The following MCF2L2 variants were observed in gnomAD, a reference collection of about 807,000 sequenced individuals.
MCF2L2 encodes probable guanine nucleotide exchange factor MCF2L2.
MCF2L2 carries 102 observed loss-of-function variants against 150.2 expected under a neutral mutation model. That is an observed-to-expected ratio of 0.68 (90% confidence interval 0.58 to 0.80). The LOEUF (loss-of-function observed/expected upper bound fraction) is 0.80. MCF2L2 is among the 30% of genes least tolerant of loss of function. The pLI, the probability that MCF2L2 is intolerant of heterozygous loss-of-function variation, is 0.00. For missense variants in MCF2L2, 1,256 were observed against 1,372.8 expected (o/e 0.91, Z 1.34); for synonymous variants, 465 against 491.3 (o/e 0.95, Z 0.71).
chr3:183,423,632 GTTTTT>G (rs34400256), intron 1 of MCF2L2, among the ~76,000 whole-genome samples: 3 of 92,056 alleles, frequency 3.3e-5, no homozygotes, highest in African/African-American at 1.2e-4. Context: ...AATTTTATTT[GTTTTT>G]TTTTTTTTTT....
intron 3 of MCF2L2, chr3:183,373,144 A>C (rs1288485439): frequency 1.3e-5 from 2 of 152,236 alleles, no homozygotes; most frequent in African/African-American, 4.8e-5. Flanking sequence ...TATTGTTATA[A>C]GCTGGACTGT....
At chr3:183,251,454 G>A (rs1286630254) in intron 15 of MCF2L2, among the ~76,000 whole-genome samples, 2 of 152,012 alleles carry the variant, frequency 1.3e-5, no homozygotes, top group Non-Finnish European at 2.9e-5. Flanking sequence ...TCCTAAATCT[G>A]CTACTCCTCT....
At chr3:183,184,909 T>C (rs901680818) in intron 27 of MCF2L2, among the ~76,000 whole-genome samples, 2 of 147,300 alleles carry the variant, frequency 1.4e-5, no homozygotes, top group Non-Finnish European at 3.0e-5. Context: ...ATGCACAACT[T>C]TTTTTTTCTT....
chr3:183,407,484 A>T (rs779897411), intron 1 of MCF2L2, among the ~76,000 whole-genome samples: 2 of 152,224 alleles, frequency 1.3e-5, no homozygotes, highest in Non-Finnish European at 2.9e-5. Context: ...AATATGGATG[A>T]TATGTTAGTT....
chr3:183,312,549 C>T (rs765812228), intron 7 of MCF2L2, among the ~76,000 whole-genome samples: 3 of 152,220 alleles, frequency 2.0e-5, no homozygotes, highest in Non-Finnish European at 2.9e-5. Context: ...GTTCCTGGGT[C>T]AGAGGAGGCT....
chr3:183,228,670 C>T (rs1332797899), intron 17 of MCF2L2, among the ~76,000 whole-genome samples: 1 of 152,118 alleles, frequency 6.6e-6, no homozygotes, highest in Non-Finnish European at 1.5e-5. Context: ...GAGAACTACT[C>T]AGAAGGCACA....
chr3:183,389,590 G>A, intron 2 of MCF2L2, 106 bp downstream of exon 2: 1 of 935,634 alleles, frequency 1.1e-6, no homozygotes. Flanking sequence ...AAGCCTAAGG[G>A]GTGAGTGAGA....
At chr3:183,235,120 C>A (rs1222811427) in intron 15 of MCF2L2, among the ~76,000 whole-genome samples, 1 of 84,048 alleles carries the variant, frequency 1.2e-5, no homozygotes, top group Non-Finnish European at 2.3e-5. Flanking sequence ...GGGTTGGTTC[C>A]AAGTCTTTGC....
At chr3:183,226,788 C>T (rs1029796260) in intron 18 of MCF2L2, 33 of 152,112 alleles carry the variant, frequency 2.2e-4, no homozygotes, top group African/African-American at 6.0e-4. Context: ...TCACATTAGT[C>T]GTTTGTTAAG....
At chr3:183,216,552 T>TTTTATATA (rs1553883156) in intron 21 of MCF2L2, among the ~76,000 whole-genome samples, 1 of 33,104 alleles carries the variant, frequency 3.0e-5, no homozygotes, top group African/African-American at 7.5e-5. Flanking sequence ...AGTATATATA[T>TTTTATATA]TATATATATA....
At chr3:183,210,929 C>T (rs573870199) in intron 22 of MCF2L2, among the ~76,000 whole-genome samples, 209 of 152,208 alleles carry the variant, frequency 1.4e-3, no homozygotes, top group African/African-American at 4.6e-3. Flanking sequence ...AAACAATGTG[C>T]CAGGGTTGGG....
rs868713164 is a variant in MCF2L2 at position 183,300,160 on chromosome 3, C to T, written c.1150G>A (p.Gly384Arg). ...LEKAQLLALVGDQLIQSHHYA... is the reference protein window; with the variant it reads ...LEKAQLLALVRDQLIQSHHYA... ...TGGTGGCTTTGGATGAGCTGGTCCC[C>T]AACCAGTGCCAGCAGCTGGGCCTTT... Residue 384 changes from glycine to arginine, a missense_variant, in exon 11 of 30, where the codon GGG (glycine) becomes AGG (arginine). Coordinates refer to ENST00000328913, the MANE Select transcript of MCF2L2 (RefSeq NM_015078.4). 6.2e-7 allele frequency: 1 copy of T among 1,610,868 alleles called. No homozygotes were observed. Among genetic ancestry groups the T allele is most frequent in the Non-Finnish European group, 8.5e-7 (1 of 1,179,282 alleles).
chr3:183,253,046 G>GC (rs1026333015), intron 15 of MCF2L2, among the ~76,000 whole-genome samples: 45 of 152,298 alleles, frequency 3.0e-4, no homozygotes, highest in Admixed American at 2.0e-3. Flanking sequence ...GTAAGTGATC[G>GC]CAATTAACTG....
At chr3:183,390,945 G>A (rs1277443628) in intron 1 of MCF2L2, among the ~76,000 whole-genome samples, 3 of 152,086 alleles carry the variant, frequency 2.0e-5, no homozygotes, top group Admixed American at 6.6e-5. Flanking sequence ...TGAATGAACT[G>A]GTTATTGTTT....
At chr3:183,240,036 C>T (rs1237311389) in intron 15 of MCF2L2, among the ~76,000 whole-genome samples, 1 of 152,190 alleles carries the variant, frequency 6.6e-6, no homozygotes, top group African/African-American at 2.4e-5. Flanking sequence ...CCCTTATATT[C>T]TCTCTGTCAC....
intron 25 of MCF2L2, among the ~76,000 whole-genome samples, chr3:183,196,402 T>G (rs1210103508): frequency 6.6e-6 from 1 of 152,162 alleles, no homozygotes; most frequent in Non-Finnish European, 1.5e-5. Flanking sequence ...TGGGTGGTAA[T>G]GTTTATATGT....
rs377246716 is a variant in MCF2L2, at chr3:183,393,192, C to T, written c.77-3413G>A. ...GCACAGATTAGGGAGAAACTTGTCT[C>T]TTTTTTTTTTTTTTTTTTAAGGTGG... On this transcript the variant is annotated intron_variant, in intron 1 of 29. Transcript: ENST00000328913. Among the ~76,000 whole-genome samples the T allele has an allele frequency of 1.5e-3, 202 of 132,020 alleles. 2 individuals carry two copies. The highest frequency in any genetic ancestry group is 5.5e-3 in the African/African-American group (193 of 35,214). 86.6% of individuals were successfully genotyped at this position (132,020 alleles called of 152,430 possible).
At position 183,366,096 on chromosome 3, in the gene MCF2L2, TGCAGGTTTGAAG is replaced by T. The variant is rs1712505437; in HGVS notation, c.275+13189_275+13200del. Among the ~76,000 whole-genome samples the T allele has an allele frequency of 2.0e-5, 3 of 152,240 alleles. No individual in the cohort carries two copies. In the South Asian group the frequency reaches 6.2e-4, roughly 32 times the overall value. Reference sequence around the variant, plus strand: ...AATTCTAAGCCTAAGAAAGACTTTATGCAGGTTTGAAGGCCCAGGAGAAAGAAGGAAAAAGGT... The same window carrying T: ...AATTCTAAGCCTAAGAAAGACTTTATGCCCAGGAGAAAGAAGGAAAAAGGT... On this transcript the variant is annotated intron_variant, in intron 3 of 29. Coordinates refer to ENST00000328913, the MANE Select transcript of MCF2L2 (RefSeq NM_015078.4).
intron 1 of MCF2L2, among the ~76,000 whole-genome samples, chr3:183,414,327 A>G (rs1715475004): frequency 6.6e-6 from 1 of 152,236 alleles, no homozygotes; most frequent in Admixed American, 6.5e-5. Flanking sequence ...AGTTTTAGGA[A>G]TCTGTCCATT....
Sources: allele counts gnomAD v4.1 joint callset (sites outside exome capture counted in the v4.1 genomes callset), GRCh38; gene constraint gnomAD v4.1.1; transcripts MANE v1.5; gene names NCBI Gene and HGNC (gene_info 2026-07-23, HGNC 2026-07-21).